Variants in MAP3K7CL observed in about 807,000 individuals in gnomAD.
The protein encoded by MAP3K7CL is MAP3K7 C-terminal like, also known as MAP3K7 C-terminal-like protein.
In MAP3K7CL, 16 loss-of-function variants were observed where a neutral mutation model predicts 18.6. The ratio of observed to expected loss-of-function variants is 0.86; its 90% CI spans 0.58 to 1.31. MAP3K7CL has a LOEUF of 1.31. MAP3K7CL is among the 50% of genes most tolerant of loss of function. The pLI is 0.00. For synonymous variants in MAP3K7CL, 65 were observed against 66.8 expected (o/e 0.97, Z 0.13); for missense variants, 163 against 174.4 (o/e 0.93, Z 0.37).
intron 4 of MAP3K7CL, among the ~76,000 whole-genome samples, chr21:29,172,117 G>T (rs1250074436): frequency 1.3e-5 from 2 of 151,392 alleles, no homozygotes. Context: ...AAGAAATTTA[G>T]CATTGATATA....
At chr21:29,136,471 A>C (rs2086888241) in intron 2 of MAP3K7CL, among the ~76,000 whole-genome samples, 1 of 152,172 alleles carries the variant, frequency 6.6e-6, no homozygotes, top group Admixed American at 6.5e-5. Flanking sequence ...TCCATGAGAA[A>C]AGGAAACATC....
At position 29,159,965 on chromosome 21, in the gene MAP3K7CL, G is replaced by A. The variant is rs1178110615; in HGVS notation, c.157G>A (p.Glu53Lys). ...GCCCCTGCCGCCTTGTCATGACTCC[G>A]AGGAATCCATGGAGGTGTTCAAACA... ...LQPLPPCHDS[E>K]ESMEVFKQHC... Residue 53 changes from glutamate to lysine, a missense_variant, in exon 4 of 5, where the codon GAG becomes AAG. Physicochemically the swap from Glu to Lys is moderately conservative, Grantham distance 56. Coordinates refer to ENST00000399928, the MANE Select transcript of MAP3K7CL (RefSeq NM_001286620.2). 8.1e-6 allele frequency: 13 copies of A among 1,613,758 alleles called. No homozygotes were observed. Among genetic ancestry groups the A allele is most frequent in the East Asian group, 6.7e-5 (3 of 44,878 alleles).
intron 3 of MAP3K7CL, among the ~76,000 whole-genome samples, chr21:29,156,479 G>A (rs1027887789): frequency 1.1e-4 from 16 of 152,086 alleles, no homozygotes; most frequent in African/African-American, 3.4e-4. Flanking sequence ...TTTTTAAACT[G>A]GAAACCTGAT....
At chr21:29,085,560 A>AG (rs2085910916), upstream of MAP3K7CL, among the ~76,000 whole-genome samples, 1 of 151,748 alleles carries the variant, frequency 6.6e-6, no homozygotes, top group Non-Finnish European at 1.5e-5. Flanking sequence ...AAAAAAAAAA[A>AG]AAAAAAAAAA....
intron 4 of MAP3K7CL, among the ~76,000 whole-genome samples, chr21:29,116,889 A>G (rs1341001951): frequency 6.6e-6 from 1 of 152,204 alleles, no homozygotes; most frequent in African/African-American, 2.4e-5. Context: ...TTCCTGATAT[A>G]TAAATAACTT....
At chr21:29,081,114 A>G (rs1190952777), upstream of MAP3K7CL, among the ~76,000 whole-genome samples, 2 of 152,210 alleles carry the variant, frequency 1.3e-5, no homozygotes, top group East Asian at 3.8e-4. Context: ...TAGAAATACA[A>G]GAGGGCCTCT....
At chr21:29,123,527 C>T (rs2086633413) in intron 4 of MAP3K7CL, among the ~76,000 whole-genome samples, 1 of 152,100 alleles carries the variant, frequency 6.6e-6, no homozygotes, top group South Asian at 2.1e-4. Context: ...ACTTTGGGAA[C>T]TCTATAGTTT....
At chr21:29,104,576 G>A (rs191872829) in intron 4 of MAP3K7CL, among the ~76,000 whole-genome samples, 207 of 152,264 alleles carry the variant, frequency 1.4e-3, no homozygotes, top group African/African-American at 4.8e-3. Flanking sequence ...TGCCGAAGCC[G>A]GGAAAGCTTG....
chr21:29,085,330 A>G (rs1446973954), upstream of MAP3K7CL, among the ~76,000 whole-genome samples: 5 of 152,196 alleles, frequency 3.3e-5, no homozygotes, highest in Non-Finnish European at 7.3e-5. Flanking sequence ...AGGTGAAACC[A>G]TTGCATTGCA....
intron 4 of MAP3K7CL, among the ~76,000 whole-genome samples, chr21:29,098,282 A>T (rs188785073): frequency 7.4e-4 from 112 of 152,174 alleles, no homozygotes; most frequent in Middle Eastern, 3.4e-3. Context: ...AGCACTGTCA[A>T]CTCTATGTTT....
At chr21:29,155,416 A>G (rs959267075) in intron 3 of MAP3K7CL, among the ~76,000 whole-genome samples, 11 of 152,356 alleles carry the variant, frequency 7.2e-5, no homozygotes, top group African/African-American at 2.4e-4. Flanking sequence ...GCAGAAGCCA[A>G]ATAGAAAACG....
intron 1 of MAP3K7CL, among the ~76,000 whole-genome samples, chr21:29,132,370 G>A (rs1293003971): frequency 1.3e-5 from 2 of 152,004 alleles, no homozygotes; most frequent in Non-Finnish European, 2.9e-5. Context: ...GGATGTTTTT[G>A]AGTCTTGTCT....
chr21:29,149,148 A>G, intron 2 of MAP3K7CL, 41 bp from the exon 3 acceptor site: 1 of 1,557,904 alleles, frequency 6.4e-7, no homozygotes, highest in Non-Finnish European at 8.9e-7. Context: ...CCTACAAGAA[A>G]GAGCTCCATA....
chr21:29,167,763 G>C (rs187594294), intron 4 of MAP3K7CL, among the ~76,000 whole-genome samples: 1 of 144,448 alleles, frequency 6.9e-6, no homozygotes, highest in African/African-American at 2.6e-5. Context: ...GCAGTGGCGC[G>C]ATCTCGGCTC....
intron 2 of MAP3K7CL, among the ~76,000 whole-genome samples, chr21:29,138,845 G>T (rs1034198953): frequency 6.6e-6 from 1 of 152,070 alleles, no homozygotes; most frequent in Non-Finnish European, 1.5e-5. Flanking sequence ...CAGGTGTGGT[G>T]GTGCATGTCT....
At chr21:29,124,627 G>A (rs1239322171) in intron 4 of MAP3K7CL, among the ~76,000 whole-genome samples, 1 of 152,150 alleles carries the variant, frequency 6.6e-6, no homozygotes, top group East Asian at 1.9e-4. Flanking sequence ...CTGAGGATCA[G>A]GTAAAGTCTG....
chr21:29,137,686 T>C (rs954509392), intron 2 of MAP3K7CL, among the ~76,000 whole-genome samples: 1 of 152,178 alleles, frequency 6.6e-6, no homozygotes, highest in Non-Finnish European at 1.5e-5. Flanking sequence ...ACTAGTCCAC[T>C]GAGCTGTGGA....
intron 4 of MAP3K7CL, among the ~76,000 whole-genome samples, chr21:29,115,500 G>C (rs1601180702): frequency 6.6e-6 from 1 of 152,192 alleles, no homozygotes; most frequent in Non-Finnish European, 1.5e-5. Flanking sequence ...CCTGAGTGCA[G>C]GGGGCCAGAG....
intron 4 of MAP3K7CL, among the ~76,000 whole-genome samples, chr21:29,165,724 A>G (rs1448130073): frequency 6.6e-6 from 1 of 152,148 alleles, no homozygotes; most frequent in East Asian, 1.9e-4. Flanking sequence ...GGTGTGTGCC[A>G]CCACTCTGGG....
Sources: allele counts gnomAD v4.1 joint callset (sites outside exome capture counted in the v4.1 genomes callset), GRCh38; gene constraint gnomAD v4.1.1; transcripts MANE v1.5; gene names NCBI Gene and HGNC (gene_info 2026-07-23, HGNC 2026-07-21).